Variants in STK38 observed in about 807,000 individuals in gnomAD.
STK38 encodes the protein serine/threonine-protein kinase 38.
In STK38, 26 loss-of-function variants were observed where a neutral mutation model predicts 59.0. That is an observed-to-expected ratio of 0.44 (90% CI 0.32 to 0.61). STK38 has a LOEUF of 0.61. Ranked by LOEUF, STK38 falls within the 20% of genes least tolerant of loss-of-function variation. The pLI, the probability that STK38 is intolerant of heterozygous loss-of-function variation, is 0.04. For synonymous variants in STK38, 175 were observed against 176.6 expected (o/e 0.99, Z 0.07); for missense variants, 433 against 566.0 (o/e 0.76, Z 2.38).
intron 3 of STK38, 136 bp downstream of exon 3, chr6:36,525,455 C>T (rs548135340): frequency 3.0e-6 from 2 of 668,642 alleles, no homozygotes; most frequent in Non-Finnish European, 5.1e-6. Context: ...CACCCAAATC[C>T]GGAAGCACAC....
rs183030951 is a variant in STK38, at chr6:36,536,918, C to A, written c.131+3154G>T. On this transcript the variant is annotated intron_variant, in intron 2 of 13. Transcript: ENST00000229812. ...TACAATAACCATTAAAAAAAAAATG[C>A]CAAATTTTATTTCATCAATATTTAA... is the stretch of plus-strand genomic sequence containing the variant. Among the ~76,000 whole-genome samples the A allele has an allele frequency of 3.2e-3, 491 of 151,550 alleles. 2 individuals carry two copies. The highest frequency in any genetic ancestry group is 0.011 in the African/African-American group (471 of 41,294).
At chr6:36,517,961 T>C (rs1777295212) in intron 5 of STK38, 121 bp from the exon 6 acceptor site, 4 of 1,288,106 alleles carry the variant, frequency 3.1e-6, no homozygotes, top group Admixed American at 5.4e-5. Flanking sequence ...CGTGATGATA[T>C]AAAAGATCCA....
At chr6:36,514,937 G>C (rs1303430710) in intron 7 of STK38, among the ~76,000 whole-genome samples, 2 of 150,692 alleles carry the variant, frequency 1.3e-5, no homozygotes, top group African/African-American at 2.4e-5. Context: ...ACAGGTTCTT[G>C]TTGTTACTGC....
rs372100418 is a variant in STK38, at chr6:36,506,112, G to A, written c.834+471C>T. On this transcript the variant is annotated intron_variant, in intron 9 of 13. Transcript: ENST00000229812. ...ATTTCTCTCCAATCTTTATAAGTAA[G>A]TTCTTTTTTACATCACAAAGTCAGA... 1.4e-4 allele frequency among the ~76,000 whole-genome samples: 22 copies of A among 152,238 alleles called. 1 individual carries two copies. In the South Asian group the frequency reaches 2.5e-3, roughly 17 times the overall value.
At chr6:36,534,320 C>G (rs1018437754) in intron 2 of STK38, among the ~76,000 whole-genome samples, 1 of 151,932 alleles carries the variant, frequency 6.6e-6, no homozygotes, top group African/African-American at 2.4e-5. Context: ...AAATTCAACA[C>G]CTACTCATGA....
At chr6:36,516,764 G>A (rs148641024) in intron 6 of STK38, among the ~76,000 whole-genome samples, 3 of 152,282 alleles carry the variant, frequency 2.0e-5, no homozygotes, top group Admixed American at 6.5e-5. Context: ...GATGATTGGA[G>A]AGCTCAGGCC....
At chr6:36,522,876 A>AAAT (rs774099487) in intron 4 of STK38, among the ~76,000 whole-genome samples, 4 of 98,862 alleles carry the variant, frequency 4.0e-5, no homozygotes, top group Admixed American at 2.7e-4. Context: ...AAAAAAAAAA[A>AAAT]AAGAAGAAGA....
chr6:36,502,746 C>A (rs1469142082), intron 9 of STK38, among the ~76,000 whole-genome samples: 2 of 152,208 alleles, frequency 1.3e-5, no homozygotes, highest in East Asian at 1.9e-4. Context: ...TCCTGCTTCT[C>A]TTAACCACTA....
intron 7 of STK38, 107 bp from the exon 8 acceptor site, chr6:36,507,709 C>T: frequency 1.5e-6 from 1 of 683,158 alleles, no homozygotes; most frequent in Non-Finnish European, 2.5e-6. Flanking sequence ...AGCCAAAGTA[C>T]ACTGCTCCTT....
At chr6:36,517,489 C>T (rs1214070803) in intron 6 of STK38, among the ~76,000 whole-genome samples, 6 of 152,016 alleles carry the variant, frequency 3.9e-5, no homozygotes, top group African/African-American at 1.5e-4. Flanking sequence ...AAGAAATGTC[C>T]ATCTGAAATC....
At chr6:36,527,213 T>C (rs1777543677) in intron 2 of STK38, among the ~76,000 whole-genome samples, 1 of 123,956 alleles carries the variant, frequency 8.1e-6, no homozygotes, top group Non-Finnish European at 1.6e-5. Flanking sequence ...AAAAAATATA[T>C]GTATATATAT....
chr6:36,524,231 C>T (rs141934371), intron 4 of STK38, 110 bp downstream of exon 4: 1 of 1,337,894 alleles, frequency 7.5e-7, no homozygotes, highest in Non-Finnish European at 1.0e-6. Flanking sequence ...GCATGCCTGA[C>T]TCATTTAATT....
intron 2 of STK38, among the ~76,000 whole-genome samples, chr6:36,536,218 A>G (rs997101999): frequency 6.6e-6 from 1 of 152,198 alleles, no homozygotes; most frequent in Non-Finnish European, 1.5e-5. Context: ...TGTTGCTAAA[A>G]TAACTGATAT....
intron 11 of STK38, 120 bp downstream of exon 11, chr6:36,498,241 GTT>G: frequency 7.4e-7 from 1 of 1,355,946 alleles, no homozygotes; most frequent in Non-Finnish European, 1.0e-6. Flanking sequence ...CTTTTTATTT[GTT>G]TAAAGAGAGG....
intron 2 of STK38, among the ~76,000 whole-genome samples, chr6:36,538,781 A>C (rs1777858431): frequency 6.6e-6 from 1 of 150,866 alleles, no homozygotes; most frequent in Non-Finnish European, 1.5e-5. Flanking sequence ...AATCCCAGCT[A>C]CTCGGGAGGC....
In STK38 at chr6:36,498,493, T is replaced by C. The variant is rs1364339661; in HGVS notation, c.953-7A>G. On this transcript the variant is annotated splice_region_variant and splice_polypyrimidine_tract_variant and intron_variant, in intron 10 of 13. Transcript: ENST00000229812. ...GAACAGAAAGGTGGGTAGCCTGTAA[T>C]AAAAAAGGAACTTCGGAGCTTTTAC... The C allele has an allele frequency of 1.9e-6, 3 of 1,605,882 alleles. No individual in the cohort carries two copies. Among genetic ancestry groups the C allele is most frequent in the Non-Finnish European group, 2.5e-6 (3 of 1,177,984 alleles).
chr6:36,503,904 A>C (rs1776899910), intron 9 of STK38, among the ~76,000 whole-genome samples: 1 of 152,160 alleles, frequency 6.6e-6, no homozygotes, highest in African/African-American at 2.4e-5. Context: ...CAATCTAAGG[A>C]CTGCCCCCTT....
In STK38 at chr6:36,494,682, T is replaced by TAAAGTTGGGAGA. The variant is rs1203694488; in HGVS notation, c.*1090_*1101dup. 6.6e-6 allele frequency: 1 copy of TAAAGTTGGGAGA among 152,536 alleles called. No homozygotes were observed. Among genetic ancestry groups the TAAAGTTGGGAGA allele is most frequent in the Non-Finnish European group, 1.5e-5 (1 of 68,062 alleles). The allele number at this position is 152,536 out of a possible 1,614,324, so 9.4% of individuals were successfully genotyped here. On this transcript the variant is annotated 3_prime_UTR_variant, in exon 14 of 14. Transcript: ENST00000229812. ...AATCATGATTCCAAGGCAAAATGGC[T>TAAAGTTGGGAGA]AAAGTTGGGAGAGAAGAAATACCAA...
intron 5 of STK38, 64 bp downstream of exon 5, chr6:36,521,669 CA>C (rs1561983558): frequency 7.9e-7 from 1 of 1,262,244 alleles, no homozygotes. Context: ...TTCAATTAAA[CA>C]AAAAGAAAAG....
Sources: allele counts gnomAD v4.1 joint callset (sites outside exome capture counted in the v4.1 genomes callset), GRCh38; gene constraint gnomAD v4.1.1; transcripts MANE v1.5; gene names NCBI Gene and HGNC (gene_info 2026-07-23, HGNC 2026-07-21).